HTR4: variants seen among roughly 807,000 people sequenced by gnomAD.
The protein encoded by HTR4 is 5-hydroxytryptamine receptor 4, also known as 5-hydroxytryptamine (serotonin) receptor 4, G protein-coupled.
HTR4 carries 16 observed loss-of-function variants against 36.8 expected under a neutral mutation model. That is an observed-to-expected ratio of 0.43 (90% CI 0.29 to 0.66). HTR4 has a LOEUF of 0.66. Ranked by LOEUF, HTR4 falls within the 30% of genes least tolerant of loss-of-function variation. The probability of loss-of-function intolerance (pLI) is 0.13; values close to 1 mark genes in which losing one functional copy is unlikely to be tolerated. For synonymous variants in HTR4, 189 were observed against 185.1 expected (o/e 1.02, Z -0.17); for missense variants, 438 against 490.9 (o/e 0.89, Z 1.02).
intron 2 of HTR4, among the ~76,000 whole-genome samples, chr5:148,553,819 T>C (rs1163423231): frequency 6.6e-6 from 1 of 152,242 alleles, no homozygotes; most frequent in Non-Finnish European, 1.5e-5. Flanking sequence ...ACAAGTTTGA[T>C]GGTTTCTCTA....
chr5:148,482,121 G>A lies in HTR4; in HGVS notation c.*1082C>T. The A allele has an allele frequency of 1.0e-6, 1 of 985,922 alleles. No individual in the cohort carries two copies. The highest frequency in any genetic ancestry group is 1.2e-6 in the Non-Finnish European group (1 of 830,354). The allele number at this position is 985,922 out of a possible 1,614,324, so 61.1% of individuals were successfully genotyped here. On this transcript the variant is annotated 3_prime_UTR_variant, in exon 7 of 7. Transcript: ENST00000377888. ...GCAGCACAGCCAGGGCGGCAATTTG[G>A]GTCCTCTGGCTTCAAGTACAGCATT...
downstream of HTR4, chr5:148,481,541 T>C: frequency 2.0e-6 from 3 of 1,525,794 alleles, no homozygotes; most frequent in Non-Finnish European, 2.6e-6. Flanking sequence ...GAGGCTTTTT[T>C]TTTTCTTTTT....
chr5:148,501,335 T>A (rs943416627), intron 6 of HTR4, among the ~76,000 whole-genome samples: 1 of 152,196 alleles, frequency 6.6e-6, no homozygotes, highest in South Asian at 2.1e-4. Context: ...TGTAAATACA[T>A]TGAAATGATC....
At chr5:148,570,245 T>C (rs939608100) in intron 2 of HTR4, among the ~76,000 whole-genome samples, 1 of 152,112 alleles carries the variant, frequency 6.6e-6, no homozygotes. Flanking sequence ...TAATCATATC[T>C]AGATGCACTC....
chr5:148,627,862 C>T (rs1753176172), intron 2 of HTR4, among the ~76,000 whole-genome samples: 1 of 152,094 alleles, frequency 6.6e-6, no homozygotes, highest in Admixed American at 6.6e-5. Flanking sequence ...TACTAAAAGT[C>T]ATAATATGGT....
intron 4 of HTR4, among the ~76,000 whole-genome samples, chr5:148,542,015 CT>C (rs1161093410): frequency 6.6e-6 from 1 of 151,896 alleles, no homozygotes; most frequent in Middle Eastern, 3.2e-3. Context: ...CTGTAATTAT[CT>C]GTTTACTGTC....
intron 5 of HTR4, among the ~76,000 whole-genome samples, chr5:148,457,199 T>A (rs1373216926): frequency 1.3e-5 from 2 of 152,164 alleles, no homozygotes; most frequent in East Asian, 3.9e-4. Context: ...GTGCGAGATC[T>A]TACTTGCCTT....
chr5:148,588,093 C>T (rs1761416533), intron 2 of HTR4, among the ~76,000 whole-genome samples: 1 of 152,082 alleles, frequency 6.6e-6, no homozygotes, highest in South Asian at 2.1e-4. Flanking sequence ...AATGAAAACA[C>T]CAAGGCTCGT....
chr5:148,549,308 G>A (rs1369713695), intron 3 of HTR4, among the ~76,000 whole-genome samples: 2 of 152,168 alleles, frequency 1.3e-5, no homozygotes, highest in Non-Finnish European at 2.9e-5. Context: ...TGTGACTGTA[G>A]TCACAGTCCA....
Position 148,482,877 on chromosome 5 carries a change from T to C in HTR4, c.*326A>G, listed in dbSNP as rs1755954157. 3 of 1,198,700 alleles carry C rather than the reference T, an allele frequency of 2.5e-6. No individual in the cohort carries two copies. The highest frequency in any genetic ancestry group is 3.1e-6 in the Non-Finnish European group (3 of 954,592). The allele number at this position is 1,198,700 out of a possible 1,614,324, so 74.3% of individuals were successfully genotyped here. A position where few individuals can be genotyped will look rare whatever the true frequency, so the allele number is the denominator to read the frequency against. On this transcript the variant is annotated 3_prime_UTR_variant, in exon 7 of 7. Transcript: ENST00000377888. ...ATAGGACGCAGCAAGCTATCGTGCT[T>C]AGAACGTGAGTGAGACAGATCAGAC...
At chr5:148,526,843 G>T (rs2113804097) in intron 4 of HTR4, among the ~76,000 whole-genome samples, 1 of 152,210 alleles carries the variant, frequency 6.6e-6, no homozygotes, top group African/African-American at 2.4e-5. Context: ...TGGAGGTAAA[G>T]CATAAAATGA....
downstream of HTR4, among the ~76,000 whole-genome samples, chr5:148,477,105 T>C (rs1262433497): frequency 6.6e-6 from 1 of 152,192 alleles, no homozygotes; most frequent in Admixed American, 6.5e-5. Context: ...CTGAAACTTA[T>C]GTTTTAGAGC....
At chr5:148,604,938 A>G (rs1273633634) in intron 2 of HTR4, among the ~76,000 whole-genome samples, 1 of 152,208 alleles carries the variant, frequency 6.6e-6, no homozygotes, top group Non-Finnish European at 1.5e-5. Context: ...AACACAGTGG[A>G]GAAGATGGCT....
chr5:148,497,721 G>A (rs1756752146), intron 6 of HTR4, among the ~76,000 whole-genome samples: 1 of 152,216 alleles, frequency 6.6e-6, no homozygotes, highest in South Asian at 2.1e-4. Context: ...ATGAGACAAG[G>A]ACAAAGAGGC....
intron 6 of HTR4, among the ~76,000 whole-genome samples, chr5:148,503,169 C>A (rs1385007413): frequency 6.6e-6 from 1 of 152,152 alleles, no homozygotes; most frequent in Non-Finnish European, 1.5e-5. Flanking sequence ...TCGAGAAGAG[C>A]AACTCCAAGA....
chr5:148,574,406 T>TCA (rs1352142909), intron 2 of HTR4, among the ~76,000 whole-genome samples: 15 of 151,880 alleles, frequency 9.9e-5, no homozygotes, highest in Admixed American at 3.3e-4. Context: ...TCTCTCTCTC[T>TCA]CTCACTCACA....
chr5:148,608,337 T>C lies in HTR4; in HGVS notation c.26+28652A>G, dbSNP rs537799957. The stretch of plus-strand genomic sequence containing the variant: ...TAAATATTATAATGAGAAGAGTATA[T>C]AAAATATTAAGGGGACATTTTAGAG... On this transcript the variant is annotated intron_variant, in intron 2 of 6. Transcript: ENST00000377888. Among the ~76,000 whole-genome samples, 28 of 152,268 alleles carry C rather than the reference T, an allele frequency of 1.8e-4. No individual in the cohort carries two copies. In the South Asian group the frequency reaches 4.6e-3, roughly 25 times the overall value.
chr5:148,454,096 A>T (rs1451895883), intron 5 of HTR4, among the ~76,000 whole-genome samples: 1 of 152,202 alleles, frequency 6.6e-6, no homozygotes, highest in Non-Finnish European at 1.5e-5. Flanking sequence ...AATAGTAACC[A>T]TGACCCTCAC....
At chr5:148,537,508 G>T (rs145400653) in intron 4 of HTR4, among the ~76,000 whole-genome samples, 82 of 152,118 alleles carry the variant, frequency 5.4e-4, no homozygotes, top group African/African-American at 1.9e-3. Flanking sequence ...TAATAAAGAA[G>T]AAAAGAGAGA....
Sources: allele counts gnomAD v4.1 joint callset (sites outside exome capture counted in the v4.1 genomes callset), GRCh38; gene constraint gnomAD v4.1.1; transcripts MANE v1.5; gene names NCBI Gene and HGNC (gene_info 2026-07-23, HGNC 2026-07-21).